PCLO: variants seen among roughly 807,000 people sequenced by gnomAD.
PCLO encodes the protein piccolo presynaptic cytomatrix protein.
Under a neutral mutation model 427.5 loss-of-function variants are expected in PCLO, and 82 were observed. That is an observed-to-expected ratio of 0.19 (90% CI 0.16 to 0.23). PCLO has a LOEUF of 0.23. Among genes scored for constraint, PCLO ranks in the 10% least tolerant of loss-of-function variants. The pLI is 1.00. For synonymous variants in PCLO, 2,357 were observed against 2,155.4 expected (o/e 1.09, Z -2.59); for missense variants, 6,239 against 6,115.9 (o/e 1.02, Z -0.67).
At chr7:83,142,035 C>T (rs565582135) in intron 2 of PCLO, among the ~76,000 whole-genome samples, 1 of 151,550 alleles carries the variant, frequency 6.6e-6, no homozygotes, top group Non-Finnish European at 1.5e-5. Flanking sequence ...AGCCCTGCCC[C>T]CCTCCCCCCG....
chr7:83,030,325 G>A (rs560538782), intron 3 of PCLO, among the ~76,000 whole-genome samples: 3 of 152,126 alleles, frequency 2.0e-5, no homozygotes, highest in Admixed American at 6.5e-5. Flanking sequence ...ATATCCCTTC[G>A]ATCTGGAACT....
chr7:83,056,344 A>C (rs1562941732), intron 3 of PCLO, among the ~76,000 whole-genome samples: 2 of 152,182 alleles, frequency 1.3e-5, no homozygotes, highest in Non-Finnish European at 2.9e-5. Flanking sequence ...TGGATTGAAT[A>C]ACAGACAACA....
chr7:82,790,679 A>G (rs1037920025), intron 22 of PCLO, among the ~76,000 whole-genome samples: 1 of 152,216 alleles, frequency 6.6e-6, no homozygotes, highest in Non-Finnish European at 1.5e-5. Flanking sequence ...TGGCAGAGAC[A>G]CTGCATTAAT....
rs532211484 is a variant in PCLO, at chr7:82,756,161, A to T, written c.*2414T>A. 2.6e-5 allele frequency: 4 copies of T among 152,144 alleles called. No homozygotes were observed. The highest frequency in any genetic ancestry group is 6.6e-5 in the Admixed American group (1 of 15,248). 9.4% of individuals were successfully genotyped at this position (152,144 alleles called of 1,614,324 possible). On this transcript the variant is annotated 3_prime_UTR_variant, in exon 25 of 25. Transcript: ENST00000333891. The stretch of plus-strand genomic sequence containing the variant: ...TACAAACTCTCATGCATACCTATGG[A>T]TATGAGTGGCTGCAAAAGAGGATCA...
At chr7:82,884,352 A>G (rs1793581261) in intron 9 of PCLO, among the ~76,000 whole-genome samples, 1 of 152,174 alleles carries the variant, frequency 6.6e-6, no homozygotes, top group Non-Finnish European at 1.5e-5. Flanking sequence ...TGACACTGGT[A>G]TTCTGGCTTT....
intron 15 of PCLO, among the ~76,000 whole-genome samples, chr7:82,836,307 C>G (rs1252717678): frequency 6.6e-6 from 1 of 152,008 alleles, no homozygotes; most frequent in Non-Finnish European, 1.5e-5. Context: ...CAGACAAATC[C>G]TTGGCAGTGA....
At chr7:82,933,869 A>C (rs1794893394) in intron 6 of PCLO, among the ~76,000 whole-genome samples, 1 of 151,910 alleles carries the variant, frequency 6.6e-6, no homozygotes, top group Admixed American at 6.6e-5. Context: ...GAATATGTAA[A>C]CTTTAATGTG....
chr7:83,084,497 C>T (rs1790180979), intron 3 of PCLO, among the ~76,000 whole-genome samples: 1 of 151,978 alleles, frequency 6.6e-6, no homozygotes, highest in Non-Finnish European at 1.5e-5. Flanking sequence ...TTAAGGCATG[C>T]TGATACTAAA....
intron 3 of PCLO, among the ~76,000 whole-genome samples, chr7:83,003,586 T>C (rs1787875845): frequency 1.3e-5 from 2 of 152,026 alleles, no homozygotes; most frequent in South Asian, 4.1e-4. Context: ...AAATGCTTTT[T>C]CTACATCCGT....
intron 6 of PCLO, among the ~76,000 whole-genome samples, chr7:82,937,582 A>C (rs1372641929): frequency 6.6e-6 from 1 of 151,628 alleles, no homozygotes; most frequent in Non-Finnish European, 1.5e-5. Context: ...AACTTTATCT[A>C]ATTTTGGCAA....
intron 9 of PCLO, among the ~76,000 whole-genome samples, chr7:82,889,035 C>G (rs947194180): frequency 1.5e-5 from 2 of 135,112 alleles, no homozygotes; most frequent in Non-Finnish European, 3.1e-5. Context: ...TGAGGGGTTT[C>G]TGTTACCTGC....
chr7:82,886,138 G>T (rs1169891861), intron 9 of PCLO, among the ~76,000 whole-genome samples: 3 of 152,158 alleles, frequency 2.0e-5, no homozygotes, highest in Non-Finnish European at 4.4e-5. Context: ...GAGAGAAAAT[G>T]CTTTTGGCTT....
rs779343480 is a variant in PCLO at position 82,956,446 on chromosome 7, T to A, written c.4507A>T (p.Ile1503Leu). 21 of 1,613,672 alleles carry A rather than the reference T, an allele frequency of 1.3e-5. No homozygotes were observed. The South Asian group carries it at 2.3e-4, about 18-fold the overall frequency. ...TCATAAGGCTCTCTTCTAGTAGTTATGTCATCAACAAACTCAGACTTCTCT... is the reference window on the plus strand; with the variant it reads ...TCATAAGGCTCTCTTCTAGTAGTTAAGTCATCAACAAACTCAGACTTCTCT... ...HKEKSEFVDD[I>L]TTRREPYDSV... The change falls in exon 5 of 25, where the codon ATA becomes TTA. Residue 1503 changes from isoleucine (I) to leucine (L), a missense_variant. Physicochemically the swap from Ile to Leu is conservative, Grantham distance 5 (BLOSUM62 2). Around this residue, in one of 5 missense-constraint regions of PCLO, gnomAD observed 4,677 missense variants for 4,468.4 expected, o/e 1.05. Coordinates refer to ENST00000333891, the MANE Select transcript of PCLO (RefSeq NM_033026.6).
chr7:82,911,571 C>T (rs979436202), intron 7 of PCLO, among the ~76,000 whole-genome samples: 3 of 151,734 alleles, frequency 2.0e-5, no homozygotes, highest in Non-Finnish European at 2.9e-5. Context: ...TATCAAATAT[C>T]GGTGAAATAT....
chr7:83,077,021 G>GAT (rs36072134), intron 3 of PCLO, among the ~76,000 whole-genome samples: 110,947 of 149,828 alleles, frequency 0.74, 41,480 homozygotes, highest in African/African-American at 0.84. Flanking sequence ...AAAATGCATT[G>GAT]ATATATATAT....
chr7:82,791,777 C>T (rs990809710), intron 22 of PCLO, among the ~76,000 whole-genome samples: 1 of 151,774 alleles, frequency 6.6e-6, no homozygotes, highest in Admixed American at 6.6e-5. Context: ...TTTTACTTAC[C>T]TATAAAATAT....
intron 3 of PCLO, among the ~76,000 whole-genome samples, chr7:82,976,821 T>C (rs1334181347): frequency 6.6e-6 from 1 of 152,210 alleles, no homozygotes; most frequent in Non-Finnish European, 1.5e-5. Flanking sequence ...AATGTTCACA[T>C]CTATTGAAAC....
At chr7:82,777,367 C>T (rs756604859) in intron 22 of PCLO, among the ~76,000 whole-genome samples, 6 of 152,024 alleles carry the variant, frequency 3.9e-5, no homozygotes, top group Admixed American at 2.0e-4. Context: ...CCTATCAAAA[C>T]ACCAATGATA....
chr7:83,048,564 TC>T (rs1562938079), intron 3 of PCLO, among the ~76,000 whole-genome samples: 1 of 152,000 alleles, frequency 6.6e-6, no homozygotes, highest in South Asian at 2.1e-4. Context: ...TTTTACTCTT[TC>T]CCCCCAACTC....
Sources: allele counts gnomAD v4.1 joint callset (sites outside exome capture counted in the v4.1 genomes callset), GRCh38; gene constraint gnomAD v4.1.1; regional missense constraint gnomAD v4.1.1; transcripts MANE v1.5; gene names NCBI Gene and HGNC (gene_info 2026-07-23, HGNC 2026-07-21).